Variants in PFKP observed in about 807,000 individuals in gnomAD.
The protein encoded by PFKP is phosphofructokinase, platelet.
Under a neutral mutation model 94.3 loss-of-function variants are expected in PFKP, and 101 were observed. The observed-to-expected ratio is 1.07, with a 90% confidence interval of 0.91 to 1.26. PFKP has a LOEUF of 1.26. Ranked by LOEUF, PFKP falls within the 50% of genes most tolerant of loss-of-function variation. PFKP has a pLI of 0.00. For missense variants in PFKP, 1,145 were observed against 1,103.3 expected (o/e 1.04, Z -0.53); for synonymous variants, 573 against 432.6 (o/e 1.32, Z -4.03).
chr10:3,130,334 C>A (rs968821669), intron 17 of PFKP, among the ~76,000 whole-genome samples: 1 of 152,216 alleles, frequency 6.6e-6, no homozygotes, highest in South Asian at 2.1e-4. Flanking sequence ...AAGGTTGCTG[C>A]AGCTTCTTTT....
intron 1 of PFKP, chr10:3,069,455 G>A: frequency 7.0e-7 from 1 of 1,432,220 alleles, no homozygotes; most frequent in Non-Finnish European, 9.6e-7. Context: ...AAGGCCTTCA[G>A]AAGCAGAGGG....
chr10:3,080,006 C>T (rs1054743944), intron 1 of PFKP, among the ~76,000 whole-genome samples: 13 of 152,104 alleles, frequency 8.5e-5, no homozygotes, highest in African/African-American at 3.1e-4. Flanking sequence ...AAGCCAGGCC[C>T]TTTTCCTGGG....
intron 20 of PFKP, 36 bp downstream of exon 20, chr10:3,134,618 A>G: frequency 3.0e-6 from 4 of 1,333,412 alleles, no homozygotes; most frequent in Non-Finnish European, 2.2e-6. Context: ...CAGCCTCGTG[A>G]TGCAGGCCGT....
intron 16 of PFKP, among the ~76,000 whole-genome samples, chr10:3,128,657 T>C (rs1037034670): frequency 1.9e-4 from 27 of 145,384 alleles, no homozygotes; most frequent in Non-Finnish European, 1.6e-5. Context: ...TCCATGTGGG[T>C]GTGCAGCATC....
chr10:3,110,399 G>A (rs112727704), intron 10 of PFKP, among the ~76,000 whole-genome samples: 1,207 of 80,558 alleles, frequency 0.015, 25 homozygotes, highest in African/African-American at 0.051. Flanking sequence ...TGTATTTTTA[G>A]TAGAGGTGGG....
intron 12 of PFKP, 82 bp from the exon 13 acceptor site, chr10:3,113,290 G>A: frequency 1.9e-6 from 3 of 1,574,808 alleles, no homozygotes; most frequent in Admixed American, 1.8e-5. Context: ...GCCTGGCACG[G>A]CATGAGCCAC....
intron 13 of PFKP, among the ~76,000 whole-genome samples, chr10:3,113,762 C>T (rs1038368401): frequency 1.3e-5 from 2 of 151,988 alleles, no homozygotes; most frequent in South Asian, 2.1e-4. Flanking sequence ...TGGGGGATGG[C>T]AGTGCCTCTG....
Position 3,112,287 on chromosome 10 carries a change from G to T in PFKP, c.1154+1G>T, listed in dbSNP as rs890382051. ...AAGATGCGGTTCGACTCCGAGGGAG[G>T]TGAGGTGCTTTGGAGAAAGCTCTGC... On this transcript the variant is annotated splice_donor_variant, in intron 11 of 21. Transcript: ENST00000381125. LOFTEE classifies it high-confidence loss of function. 2 of 1,612,064 alleles carry T rather than the reference G, an allele frequency of 1.2e-6. No individual in the cohort carries two copies. Among genetic ancestry groups the T allele is most frequent in the African/African-American group, 1.3e-5 (1 of 74,888 alleles).
intron 14 of PFKP, among the ~76,000 whole-genome samples, chr10:3,117,428 A>G (rs1276093211): frequency 6.6e-6 from 1 of 152,224 alleles, no homozygotes; most frequent in African/African-American, 2.4e-5. Flanking sequence ...AGGTGCGAAT[A>G]TTAATCTCTG....
chr10:3,084,870 A>G (rs566702391), intron 2 of PFKP, among the ~76,000 whole-genome samples: 1 of 17,604 alleles, frequency 5.7e-5, no homozygotes, highest in Non-Finnish European at 1.0e-4. Context: ...ACGGTCCCCC[A>G]CTCCACTCTC....
At chr10:3,069,762 G>C (rs1251500052) in intron 1 of PFKP, among the ~76,000 whole-genome samples, 1 of 152,146 alleles carries the variant, frequency 6.6e-6, no homozygotes, top group South Asian at 2.1e-4. Flanking sequence ...GCATGTATTG[G>C]AAAATATTTA....
In PFKP at chr10:3,107,229, A is replaced by G; in HGVS notation, c.790A>G (p.Lys264Glu). 1.2e-6 allele frequency: 2 copies of G among 1,609,822 alleles called. No homozygotes were observed. The highest frequency in any genetic ancestry group is 1.7e-6 in the Non-Finnish European group (2 of 1,176,850). ...GTCTCCACAGAACCGTGCCCGGAAAAAAAGGCTGAATATTATTATTGTGGC... is the reference window on the plus strand; with the variant it reads ...GTCTCCACAGAACCGTGCCCGGAAAGAAAGGCTGAATATTATTATTGTGGC... ...VKLSENRARK[K>E]RLNIIIVAEG... Residue 264 changes from lysine to glutamate, a missense_variant, in exon 8 of 22, where the codon AAA becomes GAA. By Grantham distance (56) the Lys-to-Glu change is moderately conservative. Transcript: ENST00000381125.
At chr10:3,092,338 G>C (rs533317367) in intron 2 of PFKP, among the ~76,000 whole-genome samples, 12 of 152,294 alleles carry the variant, frequency 7.9e-5, no homozygotes, top group Admixed American at 2.6e-4. Flanking sequence ...AGTTGGTCTC[G>C]TGGAGGTAGA....
chr10:3,098,089 G>A (rs944988977), intron 2 of PFKP, among the ~76,000 whole-genome samples: 3 of 152,152 alleles, frequency 2.0e-5, no homozygotes, highest in African/African-American at 7.2e-5. Flanking sequence ...AAATTGGCCA[G>A]CTATCAAGGT....
Position 3,121,793 on chromosome 10 carries a change from CTTTTTTTTTCTTT to C in PFKP, c.1683+1759_1683+1771del, listed in dbSNP as rs1201851835. ...TTCTCGAAGCTAGGTTAAACAATTT[CTTTTTTTTTCTTT>C]TTTTTTTTTTTTTTTTTTTTTTTTC... On this transcript the variant is annotated intron_variant, in intron 16 of 21. Transcript: ENST00000381125. Among the ~76,000 whole-genome samples, 31 of 96,848 alleles carry C rather than the reference CTTTTTTTTTCTTT, an allele frequency of 3.2e-4. 3 individuals carry two copies. In the East Asian group the frequency reaches 8.3e-3, roughly 26 times the overall value. 63.5% of individuals were successfully genotyped at this position (96,848 alleles called of 152,430 possible).
At position 3,136,476 on chromosome 10, in the gene PFKP, G is replaced by A; in HGVS notation, c.2252G>A (p.Trp751Ter). The A allele has an allele frequency of 6.2e-7, 1 of 1,613,682 alleles. No individual in the cohort carries two copies. The highest frequency in any genetic ancestry group is 2.2e-5 in the East Asian group (1 of 44,864). ...FEHRIPKEQWWLKLRPLMKIL... is the reference protein window; with the variant it reads ...FEHRIPKEQW ...CACAGGATTCCCAAAGAACAGTGGT[G>A]GCTCAAGCTACGGCCCCTCATGAAA... is the stretch of plus-strand genomic sequence containing the variant. Residue 751 changes from tryptophan (W) to a stop codon, truncating the protein, a stop_gained, in exon 22 of 22, where the codon TGG becomes TAG. Coordinates refer to ENST00000381125, the MANE Select transcript of PFKP (RefSeq NM_002627.5). LOFTEE classifies it low-confidence loss of function (END_TRUNC).
At chr10:3,078,658 G>A (rs1020955237) in intron 1 of PFKP, among the ~76,000 whole-genome samples, 7 of 152,184 alleles carry the variant, frequency 4.6e-5, no homozygotes, top group African/African-American at 7.2e-5. Context: ...CAGCTTCACC[G>A]CTTACTAATG....
In PFKP at chr10:3,136,535, T is replaced by TCGGA; in HGVS notation, c.2313_2316dup (p.Ser773GlyfsTer32). 1 of 1,613,714 alleles carries TCGGA rather than the reference T, an allele frequency of 6.2e-7. No homozygotes were observed. Among genetic ancestry groups the TCGGA allele is most frequent in the Non-Finnish European group, 8.5e-7 (1 of 1,179,802 alleles). On this transcript the variant is annotated frameshift_variant, in exon 22 of 22. Transcript: ENST00000381125. LOFTEE classifies it low-confidence loss of function (END_TRUNC). ...CAAGTACAAGGCCAGCTATGACGTG[T>TCGGA]CGGACTCAGGCCAGCTGGAACATGT... is the stretch of plus-strand genomic sequence containing the variant.
intron 2 of PFKP, among the ~76,000 whole-genome samples, chr10:3,093,675 GCT>G (rs1834238513): frequency 9.4e-6 from 1 of 106,346 alleles, no homozygotes; most frequent in South Asian, 2.9e-4. Context: ...ACAGAGTCTT[GCT>G]CTGTCACCCA....
Sources: gnomAD v4.1 joint callset for allele counts (sites outside exome capture counted in the v4.1 genomes callset) on GRCh38, gnomAD v4.1.1 for gene constraint, MANE v1.5 for transcripts, NCBI Gene and HGNC (gene_info 2026-07-23, HGNC 2026-07-21) for gene names.